Variants in OLFM3 observed in about 807,000 individuals in gnomAD.
The protein encoded by OLFM3 is noelin-3.
Under a neutral mutation model 48.6 loss-of-function variants are expected in OLFM3, and 20 were observed. The observed-to-expected ratio is 0.41, with a 90% CI of 0.29 to 0.60. OLFM3 has a LOEUF of 0.60. Among genes scored for constraint, OLFM3 ranks in the 20% least tolerant of loss-of-function variants. The pLI, the probability that OLFM3 is intolerant of heterozygous loss-of-function variation, is 0.28. For missense variants in OLFM3, 437 were observed against 544.3 expected, an observed-to-expected ratio of 0.80 and a Z score of 1.96; for synonymous variants, 222 against 198.1, an observed-to-expected ratio of 1.12 and a Z score of -1.01.
intron 1 of OLFM3, among the ~76,000 whole-genome samples, chr1:101,941,887 A>G (rs1659806851): frequency 6.6e-6 from 1 of 152,190 alleles, no homozygotes; most frequent in Non-Finnish European, 1.5e-5. Context: ...TTAAAAAGAT[A>G]CCAGTAAAAC....
At position 101,888,975 on chromosome 1, in the gene OLFM3, T is replaced by C. The variant is rs1408154439; in HGVS notation, c.70-51950A>G. Among the ~76,000 whole-genome samples, 3 of 152,162 alleles carry C rather than the reference T, an allele frequency of 2.0e-5. No homozygotes were observed. The East Asian group carries it at 5.8e-4, about 29-fold the overall frequency. ...AGATATCATCTCACACCAGTTAGAATGGCGATCATTAAAAAGTCAGGAAAC... is the reference window on the plus strand; with the variant it reads ...AGATATCATCTCACACCAGTTAGAACGGCGATCATTAAAAAGTCAGGAAAC... On this transcript the variant is annotated intron_variant, in intron 1 of 5. Transcript: ENST00000370103.
At chr1:101,972,489 G>A (rs1053291635) in intron 1 of OLFM3, among the ~76,000 whole-genome samples, 11 of 152,044 alleles carry the variant, frequency 7.2e-5, no homozygotes, top group South Asian at 2.1e-4. Context: ...GCTAATTCTC[G>A]AGAGTAGACT....
intron 1 of OLFM3, among the ~76,000 whole-genome samples, chr1:101,896,557 C>T (rs950871976): frequency 2.8e-5 from 4 of 141,132 alleles, no homozygotes; most frequent in Admixed American, 7.5e-5. Context: ...TGCAGTGGCG[C>T]GATCTCGGCT....
At chr1:101,904,013 G>T (rs2101021087) in intron 1 of OLFM3, among the ~76,000 whole-genome samples, 1 of 152,104 alleles carries the variant, frequency 6.6e-6, no homozygotes, top group East Asian at 1.9e-4. Context: ...CAGGAACAAA[G>T]TATCCCTTTA....
At position 101,849,753 on chromosome 1, in the gene OLFM3, T is replaced by A. The variant is rs574397870; in HGVS notation, c.70-12728A>T. 4.6e-5 allele frequency among the ~76,000 whole-genome samples: 7 copies of A among 152,266 alleles called. No homozygotes were observed. The South Asian group carries it at 1.5e-3, about 32-fold the overall frequency. On this transcript the variant is annotated intron_variant, in intron 1 of 5. Coordinates refer to ENST00000370103, the MANE Select transcript of OLFM3 (RefSeq NM_058170.4). ...TAAAGGTCTGCACAACAATTGGCAG[T>A]CCTTAGTGACTGAATAAATGTGACG...
chr1:101,893,952 G>A (rs928536553), intron 1 of OLFM3: 1 of 153,768 alleles, frequency 6.5e-6, no homozygotes, highest in Admixed American at 6.5e-5. Flanking sequence ...TGATGCTGAT[G>A]CCACTACAGT....
intron 1 of OLFM3, among the ~76,000 whole-genome samples, chr1:101,982,888 C>G (rs1223198838): frequency 6.9e-6 from 1 of 144,598 alleles, no homozygotes; most frequent in Non-Finnish European, 1.5e-5. Flanking sequence ...GAGTCTCACT[C>G]TCTGTCTCTG....
chr1:101,922,048 G>A (rs1659112244), intron 1 of OLFM3, among the ~76,000 whole-genome samples: 1 of 151,758 alleles, frequency 6.6e-6, no homozygotes, highest in Admixed American at 6.6e-5. Flanking sequence ...AATAGAGCGA[G>A]ACTCCATCTC....
chr1:101,927,354 AT>A (rs1469797020), intron 1 of OLFM3, among the ~76,000 whole-genome samples: 2 of 152,130 alleles, frequency 1.3e-5, no homozygotes, highest in African/African-American at 2.4e-5. Flanking sequence ...TCTTAAAAAA[AT>A]AATCCATTCA....
chr1:101,994,405 ATTT>A (rs1430399776), intron 1 of OLFM3, among the ~76,000 whole-genome samples: 2 of 150,708 alleles, frequency 1.3e-5, no homozygotes, highest in Admixed American at 6.6e-5. Context: ...ATATTATTGG[ATTT>A]TTAATTTTAA....
At chr1:101,883,286 T>G (rs1425309247) in intron 1 of OLFM3, among the ~76,000 whole-genome samples, 1 of 149,688 alleles carries the variant, frequency 6.7e-6, no homozygotes, top group African/African-American at 2.4e-5. Context: ...TACAGTTATA[T>G]ATATACTATA....
intron 1 of OLFM3, among the ~76,000 whole-genome samples, chr1:101,966,000 G>C (rs1660597765): frequency 6.6e-6 from 1 of 152,138 alleles, no homozygotes; most frequent in East Asian, 1.9e-4. Context: ...TTTCGCATGA[G>C]CCTTTCCAAG....
chr1:101,834,866 T>C (rs961148724), intron 2 of OLFM3, among the ~76,000 whole-genome samples: 5 of 152,240 alleles, frequency 3.3e-5, no homozygotes, highest in African/African-American at 9.6e-5. Context: ...ACCAATATAA[T>C]GCTTTCATAC....
At chr1:101,944,583 T>G (rs1408113816) in intron 1 of OLFM3, among the ~76,000 whole-genome samples, 1 of 152,046 alleles carries the variant, frequency 6.6e-6, no homozygotes, top group Non-Finnish European at 1.5e-5. Flanking sequence ...CAACCTGCCA[T>G]TAATAGTACC....
intron 1 of OLFM3, among the ~76,000 whole-genome samples, chr1:101,984,122 G>A (rs984707177): frequency 1.3e-5 from 2 of 151,794 alleles, no homozygotes; most frequent in African/African-American, 4.8e-5. Context: ...CACTTGTAAT[G>A]CCAGCTACTT....
At chr1:101,913,232 T>C (rs1175627483) in intron 1 of OLFM3, among the ~76,000 whole-genome samples, 1 of 152,168 alleles carries the variant, frequency 6.6e-6, no homozygotes. Flanking sequence ...CTGCAGCTAT[T>C]GATTTTCCAC....
At chr1:101,869,196 G>A (rs1488115513) in intron 1 of OLFM3, among the ~76,000 whole-genome samples, 1 of 152,110 alleles carries the variant, frequency 6.6e-6, no homozygotes, top group Non-Finnish European at 1.5e-5. Context: ...GTGCACCTGG[G>A]AAAACTGCAG....
At chr1:101,848,900 C>G (rs536084589) in intron 1 of OLFM3, among the ~76,000 whole-genome samples, 1 of 152,080 alleles carries the variant, frequency 6.6e-6, no homozygotes, top group African/African-American at 2.4e-5. Context: ...ATTGAGCTAT[C>G]AGCCTACAAA....
chr1:101,839,644 A>G (rs1171476393), intron 1 of OLFM3, among the ~76,000 whole-genome samples: 2 of 152,232 alleles, frequency 1.3e-5, no homozygotes, highest in Non-Finnish European at 2.9e-5. Context: ...ACCTGGCAGC[A>G]TTAATATTGA....
Sources: allele counts gnomAD v4.1 joint callset (sites outside exome capture counted in the v4.1 genomes callset), GRCh38; gene constraint gnomAD v4.1.1; transcripts MANE v1.5; gene names NCBI Gene and HGNC (gene_info 2026-07-23, HGNC 2026-07-21).